NEDD4: variants seen among roughly 807,000 people sequenced by gnomAD.
The protein encoded by NEDD4 is E3 ubiquitin-protein ligase NEDD4.
A neutral mutation model predicts 144.9 loss-of-function variants in NEDD4; 99 were observed. That is an observed-to-expected ratio of 0.68 (90% confidence interval 0.58 to 0.81). NEDD4 has a LOEUF of 0.81. NEDD4 is among the 30% of genes least tolerant of loss of function. NEDD4 has a pLI of 0.00. For missense variants in NEDD4, 985 were observed against 1,065.9 expected (o/e 0.92, Z 1.06); for synonymous variants, 318 against 350.6 (o/e 0.91, Z 1.04).
chr15:55,874,024 G>GA lies in NEDD4; in HGVS notation c.292-17dup. ...CATCTCTTGTCTATAAGAGAAGGAA[G>GA]AAAAAATATAATTAGTAATACGCTC... On this transcript the variant is annotated splice_polypyrimidine_tract_variant and intron_variant, in intron 5 of 28. Transcript: ENST00000435532. 5 of 1,436,582 alleles carry GA rather than the reference G, an allele frequency of 3.5e-6. No individual in the cohort carries two copies. Among genetic ancestry groups the GA allele is most frequent in the Non-Finnish European group, 3.8e-6 (4 of 1,049,810 alleles). 89.0% of individuals were successfully genotyped at this position (1,436,582 alleles called of 1,614,324 possible).
At chr15:55,903,499 C>T (rs1338608676) in intron 5 of NEDD4, among the ~76,000 whole-genome samples, 1 of 152,052 alleles carries the variant, frequency 6.6e-6, no homozygotes, top group African/African-American at 2.4e-5. Context: ...CTGTTTTAAA[C>T]TTTTACAAAT....
intron 5 of NEDD4, among the ~76,000 whole-genome samples, chr15:55,895,257 A>G (rs972674268): frequency 6.6e-6 from 1 of 152,222 alleles, no homozygotes; most frequent in Admixed American, 6.5e-5. Context: ...CTACTAGGGA[A>G]AGGAAAAGAT....
intron 11 of NEDD4, among the ~76,000 whole-genome samples, chr15:55,858,273 G>C (rs569095808): frequency 6.6e-6 from 1 of 151,362 alleles, no homozygotes; most frequent in East Asian, 2.0e-4. Flanking sequence ...GAATGGGATC[G>C]TATGTGATTT....
intron 1 of NEDD4, among the ~76,000 whole-genome samples, chr15:55,977,737 GT>G (rs61351311): frequency 0.14 from 19,997 of 147,620 alleles, 1,411 homozygotes; most frequent in East Asian, 0.32. Flanking sequence ...ATTTAATCTT[GT>G]TTTTTTTTTT....
At chr15:55,972,911 G>T (rs2037634955) in intron 1 of NEDD4, among the ~76,000 whole-genome samples, 2 of 152,018 alleles carry the variant, frequency 1.3e-5, no homozygotes, top group Non-Finnish European at 2.9e-5. Context: ...AATGATAAAG[G>T]CATCATTTCA....
At chr15:55,880,236 G>A (rs2035136790) in intron 5 of NEDD4, among the ~76,000 whole-genome samples, 1 of 152,116 alleles carries the variant, frequency 6.6e-6, no homozygotes, top group African/African-American at 2.4e-5. Flanking sequence ...AGGTTGCAGT[G>A]AGCCGAGATC....
intron 1 of NEDD4, among the ~76,000 whole-genome samples, chr15:55,992,191 A>C (rs1245065429): frequency 2.0e-5 from 3 of 152,200 alleles, no homozygotes; most frequent in African/African-American, 7.2e-5. Context: ...CATTAGCTAG[A>C]ATGATATCTT....
chr15:55,929,750 G>A (rs752977790), intron 4 of NEDD4, among the ~76,000 whole-genome samples: 3 of 152,038 alleles, frequency 2.0e-5, no homozygotes, highest in African/African-American at 4.8e-5. Context: ...CAGAGATCAC[G>A]AACGTACAAA....
chr15:55,903,348 T>C (rs898333016), intron 5 of NEDD4, among the ~76,000 whole-genome samples: 1 of 152,072 alleles, frequency 6.6e-6, no homozygotes, highest in South Asian at 2.1e-4. Flanking sequence ...TGGAGTTGCG[T>C]TTTGGTTGAA....
In NEDD4 at chr15:55,989,010, C is replaced by T. The variant is rs1048467764; in HGVS notation, c.45+4501G>A. Among the ~76,000 whole-genome samples, 5 of 152,086 alleles carry T rather than the reference C, an allele frequency of 3.3e-5. No homozygotes were observed. The East Asian group carries it at 5.8e-4, about 18-fold the overall frequency. On this transcript the variant is annotated intron_variant, in intron 1 of 28. Coordinates refer to ENST00000435532, the MANE Select transcript of NEDD4 (RefSeq NM_006154.4). Reference sequence around the variant, plus strand: ...CAGCACTTTGGAAGGCCGAGGCAGGCGGATCATCTGAGGTCAGGAGTTCGA... The same window carrying T: ...CAGCACTTTGGAAGGCCGAGGCAGGTGGATCATCTGAGGTCAGGAGTTCGA...
chr15:55,864,032 G>C (rs2034500492), intron 8 of NEDD4, among the ~76,000 whole-genome samples: 2 of 152,150 alleles, frequency 1.3e-5, no homozygotes, highest in Admixed American at 6.5e-5. Context: ...TGAGAAGTTT[G>C]GTTTCTCAGA....
At chr15:55,961,909 T>TA (rs2037433129) in intron 2 of NEDD4, among the ~76,000 whole-genome samples, 8 of 152,210 alleles carry the variant, frequency 5.3e-5, no homozygotes, top group Admixed American at 5.2e-4. Context: ...AGGTCAAAGT[T>TA]ATTCATAATA....
intron 5 of NEDD4, among the ~76,000 whole-genome samples, chr15:55,888,524 C>T (rs1369479970): frequency 6.6e-6 from 1 of 152,140 alleles, no homozygotes; most frequent in East Asian, 1.9e-4. Flanking sequence ...AATGCCCATA[C>T]TACCCAAAGC....
rs2034369034 is a variant in NEDD4, at chr15:55,860,692, G to A, written c.761C>T (p.Thr254Ile). 5.6e-6 allele frequency: 9 copies of A among 1,614,162 alleles called. No homozygotes were observed. Among genetic ancestry groups the A allele is most frequent in the Non-Finnish European group, 1.7e-6 (2 of 1,180,006 alleles). The part of the protein sequence containing the change: ...FTTRRQISEE[T>I]ESVDNRESSE... ...AGACTCTCGGTTGTCAACACTTTCT[G>A]TTTCCTCGGATATCTGCCGCCTGGT... Residue 254 changes from threonine (T) to isoleucine (I), a missense_variant, in exon 10 of 29, where the codon ACA becomes ATA. Coordinates refer to ENST00000435532, the MANE Select transcript of NEDD4 (RefSeq NM_006154.4).
chr15:55,884,766 T>TA (rs1237132281), intron 5 of NEDD4, among the ~76,000 whole-genome samples: 1 of 149,180 alleles, frequency 6.7e-6, no homozygotes. Context: ...GGAGACAAAA[T>TA]AAAAAGAATA....
intron 5 of NEDD4, among the ~76,000 whole-genome samples, chr15:55,911,432 T>C (rs2036269051): frequency 6.6e-6 from 1 of 152,088 alleles, no homozygotes; most frequent in South Asian, 2.1e-4. Flanking sequence ...TGGGAAACCT[T>C]CCTCTACCAA....
At chr15:55,945,251 AC>A (rs1331299682) in intron 4 of NEDD4, among the ~76,000 whole-genome samples, 1 of 152,082 alleles carries the variant, frequency 6.6e-6, no homozygotes, top group Non-Finnish European at 1.5e-5. Context: ...ATTGCAAGGA[AC>A]CTAAAAACCT....
intron 4 of NEDD4, among the ~76,000 whole-genome samples, chr15:55,929,030 A>T (rs189276348): frequency 4.6e-5 from 7 of 152,322 alleles, no homozygotes; most frequent in African/African-American, 1.7e-4. Context: ...ACAGCAAAGA[A>T]GATGAGAGGG....
At chr15:55,942,203 T>A (rs1401423045) in intron 4 of NEDD4, among the ~76,000 whole-genome samples, 1 of 152,224 alleles carries the variant, frequency 6.6e-6, no homozygotes, top group African/African-American at 2.4e-5. Context: ...TCAGATTGTA[T>A]GTCTTCTTGT....
Sources: gnomAD v4.1 joint callset for allele counts (sites outside exome capture counted in the v4.1 genomes callset) on GRCh38, gnomAD v4.1.1 for gene constraint, MANE v1.5 for transcripts, NCBI Gene and HGNC (gene_info 2026-07-23, HGNC 2026-07-21) for gene names.